Variants in MRAS observed in about 807,000 individuals in gnomAD.
MRAS encodes the protein ras-related protein M-Ras.
A neutral mutation model predicts 20.9 loss-of-function variants in MRAS; 4 were observed. The ratio of observed to expected loss-of-function variants is 0.19; its 90% CI spans 0.09 to 0.44. The LOEUF is 0.44. Among genes scored for constraint, MRAS ranks in the 20% least tolerant of loss-of-function variants. The pLI is 0.99. For missense variants in MRAS, 154 were observed against 277.5 expected (o/e 0.56, Z 3.16); for synonymous variants, 98 against 102.9 (o/e 0.95, Z 0.29).
intron 1 of MRAS, among the ~76,000 whole-genome samples, chr3:138,363,528 C>A (rs545581362): frequency 6.6e-6 from 1 of 152,156 alleles, no homozygotes; most frequent in South Asian, 2.1e-4. Context: ...CTGCCTCCCC[C>A]ACAAAATACA....
chr3:138,377,161 C>G (rs1179872819), intron 2 of MRAS, among the ~76,000 whole-genome samples: 1 of 152,190 alleles, frequency 6.6e-6, no homozygotes, highest in African/African-American at 2.4e-5. Context: ...CTCTCCATGG[C>G]ATTACTTTAG....
At chr3:138,397,131 C>T (rs547852178) in intron 2 of MRAS, among the ~76,000 whole-genome samples, 193 bp from the exon 3 acceptor site, 4 of 152,244 alleles carry the variant, frequency 2.6e-5, no homozygotes, top group East Asian at 1.9e-4. Context: ...CACCCTGAAG[C>T]GGCTTTAAGG....
chr3:138,372,816 C>T (rs2054702589), intron 1 of MRAS, 50 bp from the exon 2 acceptor site: 3 of 1,300,484 alleles, frequency 2.3e-6, no homozygotes, highest in Non-Finnish European at 3.1e-6. Context: ...AATATTTTCC[C>T]CTAAGTTAAA....
At chr3:138,396,798 GC>G (rs2055245837) in intron 2 of MRAS, among the ~76,000 whole-genome samples, 1 of 152,112 alleles carries the variant, frequency 6.6e-6, no homozygotes. Flanking sequence ...AGCCCTTCCT[GC>G]CCAGATGGCC....
intron 1 of MRAS, among the ~76,000 whole-genome samples, chr3:138,364,519 T>C (rs1199347): frequency 0.85 from 130,074 of 152,264 alleles, 55,842 homozygotes; most frequent in East Asian, 0.97. Context: ...GCTCAAGCTC[T>C]TTGGCAAGGA....
At chr3:138,370,804 A>G (rs555032359) in intron 1 of MRAS, among the ~76,000 whole-genome samples, 1 of 152,354 alleles carries the variant, frequency 6.6e-6, no homozygotes, top group South Asian at 2.1e-4. Flanking sequence ...CATTAAGAAA[A>G]TGAAAATGCC....
intron 2 of MRAS, among the ~76,000 whole-genome samples, chr3:138,377,473 T>A (rs191564980): frequency 6.6e-6 from 1 of 152,298 alleles, no homozygotes; most frequent in African/African-American, 2.4e-5. Context: ...CCAGGCCTGG[T>A]GGCGCCTGTC....
intron 1 of MRAS, among the ~76,000 whole-genome samples, chr3:138,352,104 T>G (rs2054240241): frequency 6.6e-6 from 1 of 152,144 alleles, no homozygotes; most frequent in African/African-American, 2.4e-5. Context: ...TGAGTTGAAG[T>G]CTGTGCAGTC....
chr3:138,348,603 G>T lies in MRAS; in HGVS notation c.-183G>T, dbSNP rs1466442206. ...CGGGGCGCACGCTGGCGGCGCGGTC[G>T]CTTTAAGGAGGCGCCGGGGCGGGGA... On this transcript the variant is annotated 5_prime_UTR_variant, in exon 1 of 6. Coordinates refer to ENST00000423968, the MANE Select transcript of MRAS (RefSeq NM_001085049.3). 2 of 151,844 alleles carry T rather than the reference G, an allele frequency of 1.3e-5. No homozygotes were observed. Among genetic ancestry groups the T allele is most frequent in the Non-Finnish European group, 2.9e-5 (2 of 67,966 alleles). The allele number at this position is 151,844 out of a possible 1,614,324, so 9.4% of individuals were successfully genotyped here. A position where few individuals can be genotyped will look rare whatever the true frequency, so the allele number is the denominator to read the frequency against.
At chr3:138,362,641 A>T (rs1013771868) in intron 1 of MRAS, among the ~76,000 whole-genome samples, 1 of 152,150 alleles carries the variant, frequency 6.6e-6, no homozygotes, top group African/African-American at 2.4e-5. Context: ...GTACTCCCGT[A>T]TGGACTTGGG....
At chr3:138,362,320 CTT>C (rs1280274082) in intron 1 of MRAS, among the ~76,000 whole-genome samples, 4 of 152,168 alleles carry the variant, frequency 2.6e-5, no homozygotes, top group Admixed American at 1.3e-4. Context: ...CCCAGCTTCT[CTT>C]TTCACTAGCC....
chr3:138,388,199 C>T (rs1054076656), intron 2 of MRAS, among the ~76,000 whole-genome samples: 6 of 152,184 alleles, frequency 3.9e-5, no homozygotes, highest in African/African-American at 1.2e-4. Context: ...TTGCCCAGCA[C>T]CCAACCCCAC....
At chr3:138,395,696 C>A (rs2055221928) in intron 2 of MRAS, among the ~76,000 whole-genome samples, 4 of 152,170 alleles carry the variant, frequency 2.6e-5, no homozygotes, top group Admixed American at 2.6e-4. Flanking sequence ...GTATCTATCT[C>A]CACTAAAATA....
intron 2 of MRAS, among the ~76,000 whole-genome samples, chr3:138,384,465 A>G (rs2054969084): frequency 6.6e-6 from 1 of 152,180 alleles, no homozygotes; most frequent in Admixed American, 6.5e-5. Flanking sequence ...TGAGGTTATT[A>G]GAGAGGGAAG....
chr3:138,356,313 C>G (rs1421416990), intron 1 of MRAS, among the ~76,000 whole-genome samples: 4 of 152,102 alleles, frequency 2.6e-5, no homozygotes, highest in African/African-American at 9.7e-5. Context: ...CAGGAGACTC[C>G]CCCACCCCTT....
chr3:138,402,470 C>T lies in MRAS; in HGVS notation c.*201C>T. On this transcript the variant is annotated 3_prime_UTR_variant, in exon 6 of 6. Transcript: ENST00000423968. ...CGGGCTTTCCCACCTCTCAAAGAGA[C>T]AAGGAAGCCACCTGTAAGCAGAAGC... 1 of 530,696 alleles carries T rather than the reference C, an allele frequency of 1.9e-6. No homozygotes were observed. The highest frequency in any genetic ancestry group is 3.2e-5 in the South Asian group (1 of 30,970). The allele number at this position is 530,696 out of a possible 1,614,324, so 32.9% of individuals were successfully genotyped here.
At chr3:138,360,467 C>T (rs2054423331) in intron 1 of MRAS, among the ~76,000 whole-genome samples, 1 of 152,242 alleles carries the variant, frequency 6.6e-6, no homozygotes, top group South Asian at 2.1e-4. Context: ...GCATCCCCAG[C>T]TCAGAAGGCA....
At chr3:138,385,262 C>T (rs1363173817) in intron 2 of MRAS, among the ~76,000 whole-genome samples, 2 of 145,236 alleles carry the variant, frequency 1.4e-5, no homozygotes, top group Non-Finnish European at 3.0e-5. Context: ...TGACCTCCCG[C>T]AGTCCTCCCA....
intron 2 of MRAS, among the ~76,000 whole-genome samples, chr3:138,374,135 G>T (rs986032183): frequency 2.0e-5 from 3 of 151,652 alleles, no homozygotes; most frequent in South Asian, 2.1e-4. Flanking sequence ...AATTTTTTTT[G>T]TATTTTTAGT....
Sources: gnomAD v4.1 joint callset for allele counts (sites outside exome capture counted in the v4.1 genomes callset) on GRCh38, gnomAD v4.1.1 for gene constraint, MANE v1.5 for transcripts, NCBI Gene and HGNC (gene_info 2026-07-23, HGNC 2026-07-21) for gene names.